Variants in ARHGEF9 observed in about 807,000 individuals in gnomAD.
ARHGEF9 encodes Cdc42 guanine nucleotide exchange factor 9.
Under a neutral mutation model 41.3 loss-of-function variants are expected in ARHGEF9, and 2 were observed. The observed-to-expected ratio is 0.05, with a 90% CI of 0.02 to 0.15. The LOEUF is 0.15. ARHGEF9 is among the 10% of genes least tolerant of loss of function. The pLI, the probability that ARHGEF9 is intolerant of heterozygous loss-of-function variation, is 1.00. For missense variants in ARHGEF9, 225 were observed against 424.7 expected (o/e 0.53, Z 4.13); for synonymous variants, 160 against 154.4 (o/e 1.04, Z -0.27).
intron 2 of ARHGEF9, among the ~76,000 whole-genome samples, chrX:63,720,324 G>C (rs1229671683): frequency 1.8e-5 from 2 of 111,886 alleles, no homozygotes; most frequent in Admixed American, 9.5e-5. Flanking sequence ...TATATAACAA[G>C]AATACGGTCT....
chrX:63,741,857 T>C (rs1556426759), intron 1 of ARHGEF9, among the ~76,000 whole-genome samples: 2 of 112,710 alleles, frequency 1.8e-5, no homozygotes, highest in African/African-American at 6.5e-5. Flanking sequence ...TGTGAAAATA[T>C]GTTCCAGCTG....
At chrX:63,649,274 G>A (rs782168603) in intron 8 of ARHGEF9, among the ~76,000 whole-genome samples, 54 of 110,895 alleles carry the variant, frequency 4.9e-4, no homozygotes, top group Non-Finnish European at 8.1e-4. Flanking sequence ...TAGAACTCAG[G>A]ATTAAGAAAC....
At chrX:63,707,792 T>C (rs2052654378) in intron 2 of ARHGEF9, among the ~76,000 whole-genome samples, 1 of 111,454 alleles carries the variant, frequency 9.0e-6, no homozygotes, top group African/African-American at 3.3e-5. Context: ...TGGTAGTTAC[T>C]TCCCAACTCT....
chrX:63,767,134 C>A, intron 1 of ARHGEF9: 14 of 936,832 alleles, frequency 1.5e-5, no homozygotes, highest in Non-Finnish European at 2.1e-5. Flanking sequence ...ACAGGCCATG[C>A]TGTGACAAAG....
intron 8 of ARHGEF9, among the ~76,000 whole-genome samples, chrX:63,649,215 A>G (rs1194265751): frequency 8.9e-6 from 1 of 111,881 alleles, no homozygotes; most frequent in African/African-American, 3.3e-5. Flanking sequence ...CAAATGTAAA[A>G]GAACAGAAAT....
chrX:63,756,913 A>T (rs2055941766), intron 1 of ARHGEF9, among the ~76,000 whole-genome samples: 2 of 111,249 alleles, frequency 1.8e-5, no homozygotes, highest in South Asian at 7.6e-4. Flanking sequence ...GAAAACTGAA[A>T]CCTCTTGTGA....
Position 63,655,522 on chromosome X carries a change from C to T in ARHGEF9, c.1293G>A (p.Arg431=), listed in dbSNP as rs782387990. The change falls in exon 8 of 10, where the codon AGG becomes AGA. Residue 431 remains arginine, a synonymous_variant. Transcript: ENST00000671741. ...IRWLRAFREE[R]KMVQEDEKIG... is the part of the protein sequence containing the mutation. ...TTTTTTCATCTTCCTGTACCATTTT[C>T]CTCTCTTCTCTGAAAGCCCTGAGCC... The T allele has an allele frequency of 1.8e-5, 22 of 1,209,483 alleles. No individual in the cohort carries two copies. The Admixed American group carries it at 4.8e-4, about 26-fold the overall frequency.
At position 63,785,189 on chromosome X, in the gene ARHGEF9, C is replaced by A. The variant is rs1290652783; in HGVS notation, c.-44G>T. 1.8e-5 allele frequency: 21 copies of A among 1,153,075 alleles called. No individual in the cohort carries two copies. The highest frequency in any genetic ancestry group is 2.4e-5 in the Non-Finnish European group (21 of 863,984). ...CTTCTCTGAGGCCCCGTAGCTGGCG[C>A]GAGTTGTCGCGGGCTGACTAGAAGG... On this transcript the variant is annotated 5_prime_UTR_variant, in exon 1 of 10. Transcript: ENST00000671741.
intron 4 of ARHGEF9, among the ~76,000 whole-genome samples, chrX:63,685,852 A>T (rs782572929): frequency 1.2e-4 from 13 of 112,042 alleles, no homozygotes; most frequent in Admixed American, 1.0e-3. Context: ...TTCTATTTTT[A>T]AAAAAGTAGA....
At chrX:63,767,613 G>A (rs1167509265) in intron 1 of ARHGEF9, among the ~76,000 whole-genome samples, 3 of 112,104 alleles carry the variant, frequency 2.7e-5, no homozygotes, top group Non-Finnish European at 3.8e-5. Flanking sequence ...GAATTGTGCC[G>A]ACCTCATAAG....
intron 2 of ARHGEF9, among the ~76,000 whole-genome samples, chrX:63,713,965 C>G (rs1861024468): frequency 8.9e-6 from 1 of 111,841 alleles, no homozygotes; most frequent in Non-Finnish European, 1.9e-5. Context: ...TGTTCTCCCT[C>G]TCCAGCACCA....
At chrX:63,703,760 C>T (rs1316927137) in intron 3 of ARHGEF9, among the ~76,000 whole-genome samples, 1 of 110,832 alleles carries the variant, frequency 9.0e-6, no homozygotes, top group Non-Finnish European at 1.9e-5. Context: ...AGAAATAAAG[C>T]AGGAAAGGGG....
chrX:63,661,132 CCTT>C (rs2049185886), intron 7 of ARHGEF9, among the ~76,000 whole-genome samples: 1 of 112,139 alleles, frequency 8.9e-6, no homozygotes, highest in African/African-American at 3.2e-5. Context: ...TTTCAAATCC[CCTT>C]CTTCTTTCTG....
intron 2 of ARHGEF9, among the ~76,000 whole-genome samples, chrX:63,710,360 C>G (rs2052852043): frequency 1.1e-5 from 1 of 88,135 alleles, no homozygotes; most frequent in East Asian, 3.8e-4. Flanking sequence ...TTCTACCAAA[C>G]ATTTAAAAAA....
At chrX:63,734,629 A>C (rs2147683982) in intron 1 of ARHGEF9, among the ~76,000 whole-genome samples, 1 of 111,717 alleles carries the variant, frequency 9.0e-6, no homozygotes, top group Admixed American at 9.5e-5. Context: ...CTCCAACTCT[A>C]GGCTTATCCT....
chrX:63,670,853 G>A (rs1465504265), intron 6 of ARHGEF9, among the ~76,000 whole-genome samples: 4 of 111,980 alleles, frequency 3.6e-5, no homozygotes, highest in Non-Finnish European at 7.5e-5. Context: ...CTATAGAATG[G>A]TAGAGGGCAG....
chrX:63,641,409 G>T (rs1165848686), intron 9 of ARHGEF9: 1 of 107,989 alleles, frequency 9.3e-6, no homozygotes, highest in Non-Finnish European at 1.9e-5. Context: ...TTTCTTTGAA[G>T]ACTTTAGAAT....
In ARHGEF9 at chrX:63,756,928, GA is replaced by G. The variant is rs200492405; in HGVS notation, c.30+28187del. Among the ~76,000 whole-genome samples, 10 of 110,643 alleles carry G rather than the reference GA, an allele frequency of 9.0e-5. No homozygotes were observed. In the East Asian group the frequency reaches 2.6e-3, roughly 28 times the overall value. On this transcript the variant is annotated intron_variant, in intron 1 of 9. Coordinates refer to ENST00000671741, the MANE Select transcript of ARHGEF9 (RefSeq NM_001353921.2). Reference sequence around the variant, plus strand: ...GAAAACTGAAACCTCTTGTGAATAGGAAAAAAAACAACCAACTTGTTACTAA... The same window carrying G: ...GAAAACTGAAACCTCTTGTGAATAGGAAAAAAACAACCAACTTGTTACTAA...
intron 1 of ARHGEF9, among the ~76,000 whole-genome samples, chrX:63,778,823 C>T (rs1366870561): frequency 8.9e-6 from 1 of 112,028 alleles, no homozygotes; most frequent in African/African-American, 3.2e-5. Context: ...ATCACCTTTG[C>T]TCCAGTTCGC....
Sources: allele counts gnomAD v4.1 joint callset (sites outside exome capture counted in the v4.1 genomes callset), GRCh38; gene constraint gnomAD v4.1.1; transcripts MANE v1.5; gene names NCBI Gene and HGNC (gene_info 2026-07-23, HGNC 2026-07-21).